SYT14: variants seen among roughly 807,000 people sequenced by gnomAD.
The protein encoded by SYT14 is synaptotagmin 14.
In SYT14, 32 loss-of-function variants were observed where a neutral mutation model predicts 74.2. The observed-to-expected ratio is 0.43, with a 90% CI of 0.33 to 0.58. SYT14 has a LOEUF of 0.58. Among genes scored for constraint, SYT14 ranks in the 20% least tolerant of loss-of-function variants. SYT14 has a pLI of 0.05. For synonymous variants in SYT14, 298 were observed against 337.7 expected (o/e 0.88, Z 1.29); for missense variants, 791 against 981.8 (o/e 0.81, Z 2.60).
At chr1:209,979,071 G>C (rs981326182) in intron 2 of SYT14, among the ~76,000 whole-genome samples, 30 of 152,180 alleles carry the variant, frequency 2.0e-4, no homozygotes, top group African/African-American at 6.0e-4. Context: ...GTATTAGGGT[G>C]GGAGTGACCC....
rs2082877417 is a variant in SYT14 at position 210,139,782 on chromosome 1, G to A, written c.2035-15939G>A. Among the ~76,000 whole-genome samples the A allele has an allele frequency of 2.0e-5, 3 of 151,978 alleles. No homozygotes were observed. The South Asian group carries it at 6.2e-4, about 32-fold the overall frequency. ...TTTTACTTAGCATGATGTTTTCAAG[G>A]CTCATTCATGTTTTATCATGTATCC... On this transcript the variant is annotated intron_variant, in intron 7 of 9. Coordinates refer to ENST00000637265, the Ensembl canonical transcript of SYT14.
At chr1:209,978,559 T>A (rs1444172568) in intron 2 of SYT14, among the ~76,000 whole-genome samples, 1 of 152,162 alleles carries the variant, frequency 6.6e-6, no homozygotes, top group Non-Finnish European at 1.5e-5. Context: ...TGATCGTTCC[T>A]CTGGAAGTTT....
At chr1:210,149,558 A>G (rs2083117387) in intron 7 of SYT14, among the ~76,000 whole-genome samples, 1 of 152,108 alleles carries the variant, frequency 6.6e-6, no homozygotes, top group Non-Finnish European at 1.5e-5. Context: ...TTTTGTTATT[A>G]TGGTTATTTA....
intron 7 of SYT14, among the ~76,000 whole-genome samples, chr1:210,135,248 C>G (rs1420766878): frequency 6.6e-6 from 1 of 152,150 alleles, no homozygotes; most frequent in African/African-American, 2.4e-5. Context: ...TCCCAAGATG[C>G]TGGGATTACA....
At chr1:210,104,150 A>G (rs2082119225) in intron 7 of SYT14, among the ~76,000 whole-genome samples, 1 of 152,238 alleles carries the variant, frequency 6.6e-6, no homozygotes, top group Non-Finnish European at 1.5e-5. Context: ...ATTCTGTTAT[A>G]AAATAGCTCT....
At chr1:210,010,356 T>C (rs2080064540) in intron 2 of SYT14, among the ~76,000 whole-genome samples, 1 of 152,188 alleles carries the variant, frequency 6.6e-6, no homozygotes, top group African/African-American at 2.4e-5. Context: ...GTCAGCTATG[T>C]GGTGCTGTCC....
At chr1:210,162,382 C>G (rs2083390402) in exon 10 of SYT14, 1 of 425,430 alleles carries the variant, frequency 2.4e-6, no homozygotes, top group Non-Finnish European at 4.7e-6. Flanking sequence ...GTATAATGTG[C>G]TAACTTTTTA....
At chr1:209,949,377 A>G (rs2078874861) in intron 1 of SYT14, among the ~76,000 whole-genome samples, 1 of 152,036 alleles carries the variant, frequency 6.6e-6, no homozygotes, top group South Asian at 2.1e-4. Flanking sequence ...GATCGAGACC[A>G]TCCTGGGCAA....
At chr1:210,078,650 A>G (rs188115390) in intron 5 of SYT14, among the ~76,000 whole-genome samples, 1 of 152,200 alleles carries the variant, frequency 6.6e-6, no homozygotes, top group Non-Finnish European at 1.5e-5. Flanking sequence ...AGGACAAAAA[A>G]GTCATGAAAA....
chr1:209,940,227 A>T (rs758316016), intron 1 of SYT14, among the ~76,000 whole-genome samples: 20 of 152,200 alleles, frequency 1.3e-4, no homozygotes, highest in Non-Finnish European at 2.4e-4. Flanking sequence ...AGGCTGTGTT[A>T]TGAAGTAGAA....
chr1:209,941,174 C>T (rs1365701173), intron 1 of SYT14, among the ~76,000 whole-genome samples: 3 of 152,132 alleles, frequency 2.0e-5, no homozygotes, highest in African/African-American at 7.2e-5. Flanking sequence ...TATTTTATAA[C>T]ACAAAATTAT....
intron 2 of SYT14, among the ~76,000 whole-genome samples, chr1:209,964,619 C>G (rs886503544): frequency 6.6e-6 from 1 of 151,942 alleles, no homozygotes; most frequent in Admixed American, 6.6e-5. Flanking sequence ...ATCCTTTTTC[C>G]CAGAAAGAAT....
chr1:210,148,474 A>G (rs1299874740), intron 7 of SYT14, among the ~76,000 whole-genome samples: 1 of 150,512 alleles, frequency 6.6e-6, no homozygotes, highest in South Asian at 2.1e-4. Flanking sequence ...GCGCCACTGC[A>G]CTCCAGCCTG....
intron 1 of SYT14, among the ~76,000 whole-genome samples, chr1:209,945,759 C>G (rs907086233): frequency 6.6e-6 from 1 of 152,148 alleles, no homozygotes; most frequent in African/African-American, 2.4e-5. Context: ...GAAAAGGACT[C>G]TTAGATCCAT....
At chr1:210,109,715 C>A (rs1005406594) in intron 7 of SYT14, among the ~76,000 whole-genome samples, 6 of 152,118 alleles carry the variant, frequency 3.9e-5, no homozygotes, top group Admixed American at 2.0e-4. Context: ...TGTGATGATT[C>A]CTCAAGGATC....
intron 7 of SYT14, among the ~76,000 whole-genome samples, chr1:210,103,464 G>A (rs1200503100): frequency 2.6e-5 from 4 of 151,062 alleles, no homozygotes; most frequent in Admixed American, 2.6e-4. Flanking sequence ...ACAGGAGAAT[G>A]GTGTGAACCC....
chr1:210,027,184 G>C (rs778323307), intron 5 of SYT14, among the ~76,000 whole-genome samples: 19 of 152,192 alleles, frequency 1.2e-4, no homozygotes, highest in Admixed American at 4.6e-4. Flanking sequence ...CTAGAAAAAA[G>C]AAAATGTTAT....
At chr1:209,938,419 C>G (rs1474875891) in intron 1 of SYT14, 142 bp downstream of exon 1, 4 of 745,160 alleles carry the variant, frequency 5.4e-6, no homozygotes, top group Middle Eastern at 8.1e-4. Context: ...GGGTCCTGGC[C>G]GCGTCTCGGG....
In SYT14 at chr1:209,996,295, A is replaced by G. The variant is rs2079789508; in HGVS notation, c.-485-17338A>G. ...AGTATAACTGATCCCACAGTAATAC[A>G]AAAGATCCTCGGAGAATGATGTGAA... On this transcript the variant is annotated intron_variant, in intron 2 of 9. Transcript: ENST00000637265. Among the ~76,000 whole-genome samples, 3 of 152,130 alleles carry G rather than the reference A, an allele frequency of 2.0e-5. No individual in the cohort carries two copies. The South Asian group carries it at 6.2e-4, about 31-fold the overall frequency.
Sources: allele counts gnomAD v4.1 joint callset (sites outside exome capture counted in the v4.1 genomes callset), GRCh38; gene constraint gnomAD v4.1.1; transcripts MANE v1.5; gene names NCBI Gene and HGNC (gene_info 2026-07-23, HGNC 2026-07-21).